FAM78B: variants seen among roughly 807,000 people sequenced by gnomAD.
FAM78B encodes family with sequence similarity 78 member B.
A neutral mutation model predicts 20.0 loss-of-function variants in FAM78B; 10 were observed. That is an observed-to-expected ratio of 0.50 (90% CI 0.31 to 0.85). The LOEUF (loss-of-function observed/expected upper bound fraction) is 0.85. Ranked by LOEUF, FAM78B falls within the 40% of genes least tolerant of loss-of-function variation. The probability of loss-of-function intolerance (pLI) is 0.05; values close to 1 mark genes in which losing one functional copy is unlikely to be tolerated. For synonymous variants in FAM78B, 135 were observed against 132.8 expected (o/e 1.02, Z -0.12); for missense variants, 283 against 345.0 (o/e 0.82, Z 1.42).
At chr1:166,132,233 A>C (rs991442555) in intron 1 of FAM78B, among the ~76,000 whole-genome samples, 1 of 152,180 alleles carries the variant, frequency 6.6e-6, no homozygotes, top group African/African-American at 2.4e-5. Flanking sequence ...CTGAAAGGAT[A>C]TGTTTTGGTT....
chr1:166,058,902 A>T (rs544379821), exon 3 of FAM78B: 1 of 152,286 alleles, frequency 6.6e-6, no homozygotes, highest in Non-Finnish European at 1.5e-5. Flanking sequence ...ATGGCTGAGG[A>T]GGTTGGTTGT....
chr1:166,067,445 T>C (rs1234882500), downstream of FAM78B, among the ~76,000 whole-genome samples: 1 of 151,942 alleles, frequency 6.6e-6, no homozygotes, highest in African/African-American at 2.4e-5. Flanking sequence ...AACTAAAACT[T>C]AATCAAGGCA....
intron 1 of FAM78B, among the ~76,000 whole-genome samples, chr1:166,123,111 C>T (rs1362438938): frequency 6.6e-6 from 1 of 152,220 alleles, no homozygotes; most frequent in African/African-American, 2.4e-5. Flanking sequence ...CCAGCACGGA[C>T]AGGTAACAGT....
chr1:166,073,953 C>T (rs1415459171), intron 1 of FAM78B, among the ~76,000 whole-genome samples: 1 of 152,182 alleles, frequency 6.6e-6, no homozygotes, highest in Admixed American at 6.5e-5. Flanking sequence ...CTTTTCCCCA[C>T]CCAACTCTTA....
chr1:166,148,273 G>C (rs1474795564), intron 1 of FAM78B, among the ~76,000 whole-genome samples: 1 of 152,190 alleles, frequency 6.6e-6, no homozygotes, highest in Admixed American at 6.5e-5. Context: ...CAATAGTTTT[G>C]CCATGGTATG....
intron 1 of FAM78B, among the ~76,000 whole-genome samples, chr1:166,101,408 T>C (rs548906522): frequency 2.4e-4 from 37 of 152,014 alleles, no homozygotes; most frequent in Non-Finnish European, 4.4e-4. Flanking sequence ...AGGAGGAAGT[T>C]TGAACCCATG....
At chr1:166,117,925 G>T (rs1654319389) in intron 1 of FAM78B, among the ~76,000 whole-genome samples, 1 of 152,100 alleles carries the variant, frequency 6.6e-6, no homozygotes, top group Admixed American at 6.5e-5. Context: ...TCTGGGCAAG[G>T]GTGAGCAAAC....
downstream of FAM78B, among the ~76,000 whole-genome samples, chr1:166,065,620 G>A (rs1376861636): frequency 2.0e-5 from 3 of 152,112 alleles, no homozygotes; most frequent in East Asian, 1.9e-4. Context: ...CAGGTGCACC[G>A]CTGACCTGGG....
intron 1 of FAM78B, among the ~76,000 whole-genome samples, chr1:166,087,905 T>C (rs1469139693): frequency 6.6e-6 from 1 of 152,084 alleles, no homozygotes; most frequent in Non-Finnish European, 1.5e-5. Context: ...ATGACTACAG[T>C]GCAAGGAGGA....
intron 1 of FAM78B, among the ~76,000 whole-genome samples, chr1:166,099,939 C>A (rs1653444741): frequency 6.6e-6 from 1 of 152,096 alleles, no homozygotes; most frequent in Non-Finnish European, 1.5e-5. Context: ...AATAGATATA[C>A]AACAGCCGCA....
intron 1 of FAM78B, among the ~76,000 whole-genome samples, chr1:166,074,230 A>G (rs1213776712): frequency 1.3e-5 from 2 of 152,122 alleles, no homozygotes; most frequent in Admixed American, 1.3e-4. Context: ...TGGCCTCCCC[A>G]TCTCCACACA....
At chr1:166,156,276 G>T (rs1327044830) in intron 1 of FAM78B, among the ~76,000 whole-genome samples, 1 of 152,190 alleles carries the variant, frequency 6.6e-6, no homozygotes, top group Admixed American at 6.5e-5. Flanking sequence ...TGCGCTTGTT[G>T]AAGACATTTA....
intron 1 of FAM78B, among the ~76,000 whole-genome samples, chr1:166,129,319 T>C (rs2101776663): frequency 6.6e-6 from 1 of 152,398 alleles, no homozygotes; most frequent in East Asian, 1.9e-4. Flanking sequence ...TCTTTCTGCT[T>C]ATAAAAAGTG....
At chr1:166,103,679 G>A (rs4657516) in intron 1 of FAM78B, among the ~76,000 whole-genome samples, 151,368 of 152,322 alleles carry the variant, frequency 0.99, 75,213 homozygotes, top group Middle Eastern at 1. Flanking sequence ...TGAATAGACC[G>A]ATAATAGACT....
chr1:166,076,922 G>C (rs1169745952), intron 1 of FAM78B, among the ~76,000 whole-genome samples: 1 of 152,184 alleles, frequency 6.6e-6, no homozygotes, highest in Non-Finnish European at 1.5e-5. Context: ...AGAGGATCAG[G>C]TGCTGGGTGA....
intron 1 of FAM78B, among the ~76,000 whole-genome samples, chr1:166,115,004 TGA>T (rs997489139): frequency 6.6e-6 from 1 of 151,880 alleles, no homozygotes; most frequent in Non-Finnish European, 1.5e-5. Context: ...GGGGAAAGGG[TGA>T]GAGAGTTTTG....
At chr1:166,076,090 C>T (rs974731412) in intron 1 of FAM78B, among the ~76,000 whole-genome samples, 1 of 152,214 alleles carries the variant, frequency 6.6e-6, no homozygotes, top group East Asian at 1.9e-4. Context: ...GGTCTCCTTG[C>T]TAATTACTCA....
At chr1:166,146,236 TTC>T (rs1655447521) in intron 1 of FAM78B, among the ~76,000 whole-genome samples, 1 of 152,230 alleles carries the variant, frequency 6.6e-6, no homozygotes, top group African/African-American at 2.4e-5. Flanking sequence ...TTGAAAAGAC[TTC>T]TGACCCAATG....
At position 166,070,266 on chromosome 1, in the gene FAM78B, G is replaced by T. The variant is rs1263521428; in HGVS notation, c.761C>A (p.Pro254His). The T allele has an allele frequency of 1.3e-6, 2 of 1,552,574 alleles. No individual in the cohort carries two copies. Among genetic ancestry groups the T allele is most frequent in the Non-Finnish European group, 1.7e-6 (2 of 1,148,026 alleles). ...CTACTTAGGAGGGATCACAACCAGA[G>T]GTGGCCCCCGCTTGGGCCTCCACAT... ...VLMWRPKRGPPLVVIPPK is the reference protein window; with the variant it reads ...VLMWRPKRGPHLVVIPPK The change falls in exon 2 of 2, where the codon CCT (proline) becomes CAT (histidine). Residue 254 changes from proline (P) to histidine (H), a missense_variant. Pro to His is a moderately conservative substitution (Grantham distance 77). Coordinates refer to ENST00000354422, the MANE Select transcript of FAM78B (RefSeq NM_001017961.5).
Sources: allele counts gnomAD v4.1 joint callset (sites outside exome capture counted in the v4.1 genomes callset), GRCh38; gene constraint gnomAD v4.1.1; transcripts MANE v1.5; gene names NCBI Gene and HGNC (gene_info 2026-07-23, HGNC 2026-07-21).